The following CTTNBP2NL variants were observed in gnomAD, a reference collection of about 807,000 sequenced individuals.
The protein encoded by CTTNBP2NL is CTTNBP2 N-terminal-like protein.
In CTTNBP2NL, 16 loss-of-function variants were observed where a neutral mutation model predicts 32.5. The observed-to-expected ratio is 0.49, with a 90% CI of 0.33 to 0.75. The LOEUF (loss-of-function observed/expected upper bound fraction) is 0.75, where lower values mean the gene tolerates loss of function less well. CTTNBP2NL is among the 30% of genes least tolerant of loss of function. The probability of loss-of-function intolerance (pLI) is 0.02; values close to 1 mark genes in which losing one functional copy is unlikely to be tolerated. For missense variants in CTTNBP2NL, 645 were observed against 756.0 expected (o/e 0.85, Z 1.72); for synonymous variants, 298 against 289.4 (o/e 1.03, Z -0.30).
chr1:112,433,443 A>G (rs924408537), intron 3 of CTTNBP2NL, among the ~76,000 whole-genome samples: 2 of 152,200 alleles, frequency 1.3e-5, no homozygotes, highest in African/African-American at 2.4e-5. Context: ...AAATACAACA[A>G]TTAACCAGGC....
At chr1:112,426,641 C>G (rs867738749) in intron 3 of CTTNBP2NL, among the ~76,000 whole-genome samples, 2 of 148,322 alleles carry the variant, frequency 1.3e-5, no homozygotes, top group Non-Finnish European at 3.0e-5. Flanking sequence ...GGAGTCTTGC[C>G]CTTTACTGAG....
Position 112,456,235 on chromosome 1 carries a change from A to C in CTTNBP2NL, c.743A>C (p.Gln248Pro). Residue 248 changes from glutamine to proline, a missense_variant, in exon 6 of 6, where the codon CAA becomes CCA. Transcript: ENST00000271277. The part of the protein sequence containing the change: ...QLSEFDIERE[Q>P]LRAKLNREEN... ...TCAGAGTTTGACATCGAAAGGGAAC[A>C]ACTGAGAGCAAAACTGAACCGAGAA... The C allele has an allele frequency of 6.2e-7, 1 of 1,614,178 alleles. No homozygotes were observed. Among genetic ancestry groups the C allele is most frequent in the Non-Finnish European group, 8.5e-7 (1 of 1,180,046 alleles).
intron 1 of CTTNBP2NL, among the ~76,000 whole-genome samples, chr1:112,408,220 ATT>A (rs397981257): frequency 2.3e-4 from 24 of 103,730 alleles, no homozygotes; most frequent in African/African-American, 6.0e-4. Flanking sequence ...TTTTTTTTTA[ATT>A]TTTTTTTTTT....
intron 1 of CTTNBP2NL, among the ~76,000 whole-genome samples, chr1:112,406,417 A>G (rs1317868084): frequency 8.5e-5 from 13 of 152,176 alleles, no homozygotes; most frequent in Admixed American, 2.0e-4. Flanking sequence ...TCTGGAGTCA[A>G]TTTACCTGGG....
Position 112,416,195 on chromosome 1 carries a change from ACTC to A in CTTNBP2NL, c.33_35del (p.Leu12del). On this transcript the variant is annotated inframe_deletion, in exon 3 of 6. Coordinates refer to ENST00000271277, the MANE Select transcript of CTTNBP2NL (RefSeq NM_018704.3). ...ATCTGGAAAAACTCAGCAAGCCTGA[ACTC>A]CTGACACTATTTAGTATTCTTGAAG... 1 of 1,608,280 alleles carries A rather than the reference ACTC, an allele frequency of 6.2e-7. No homozygotes were observed. Among genetic ancestry groups the A allele is most frequent in the Non-Finnish European group, 8.5e-7 (1 of 1,177,616 alleles).
intron 1 of CTTNBP2NL, among the ~76,000 whole-genome samples, chr1:112,397,755 A>G (rs1648373514): frequency 6.6e-6 from 1 of 152,160 alleles, no homozygotes; most frequent in Non-Finnish European, 1.5e-5. Context: ...TTTGCTTCCA[A>G]TCTCAAGTCT....
intron 3 of CTTNBP2NL, among the ~76,000 whole-genome samples, chr1:112,422,832 G>T (rs778704911): frequency 1.3e-5 from 2 of 151,878 alleles, no homozygotes; most frequent in Admixed American, 6.6e-5. Context: ...TCACTTTGTT[G>T]CCCAAGCTGG....
chr1:112,448,188 AAG>A (rs1650111782), intron 3 of CTTNBP2NL, among the ~76,000 whole-genome samples: 1 of 152,222 alleles, frequency 6.6e-6, no homozygotes, highest in African/African-American at 2.4e-5. Flanking sequence ...AGAGACAGAA[AAG>A]AGAATGGAAA....
chr1:112,432,527 T>C (rs1649598640), intron 3 of CTTNBP2NL, among the ~76,000 whole-genome samples: 1 of 152,124 alleles, frequency 6.6e-6, no homozygotes, highest in African/African-American at 2.4e-5. Context: ...TGATTGGAAA[T>C]GTCTAGAGAT....
At position 112,457,287 on chromosome 1, in the gene CTTNBP2NL, T is replaced by C. The variant is rs1426791259; in HGVS notation, c.1795T>C (p.Leu599=). The C allele has an allele frequency of 2.5e-6, 4 of 1,614,168 alleles. No homozygotes were observed. The highest frequency in any genetic ancestry group is 3.4e-6 in the Non-Finnish European group (4 of 1,180,036). Residue 599 remains leucine (L), a synonymous_variant, in exon 6 of 6, where the codon TTG becomes CTG. Coordinates refer to ENST00000271277, the MANE Select transcript of CTTNBP2NL (RefSeq NM_018704.3). ...LTPSPSATTP[L]TKTHSQAASL... ...CCCTTCTCCATCTGCTACCACTCCATTGACCAAAACTCATTCCCAGGCAGC... is the reference window on the plus strand; with the variant it reads ...CCCTTCTCCATCTGCTACCACTCCACTGACCAAAACTCATTCCCAGGCAGC...
In CTTNBP2NL at chr1:112,456,809, G is replaced by C. The variant is rs1427028865; in HGVS notation, c.1317G>C (p.Gly439=). 2.5e-6 allele frequency: 4 copies of C among 1,613,912 alleles called. No individual in the cohort carries two copies. The highest frequency in any genetic ancestry group is 3.4e-6 in the Non-Finnish European group (4 of 1,180,026). ...CGGTACTCACTAAGCGTTTATTGGGGTCATCAGCTAGCAGCCCTGGCTACC... is the reference window on the plus strand; with the variant it reads ...CGGTACTCACTAAGCGTTTATTGGGCTCATCAGCTAGCAGCCCTGGCTACC... ...SSPVLTKRLL[G]SSASSPGYQS... The change falls in exon 6 of 6, where the codon GGG becomes GGC. Residue 439 remains glycine (G), a synonymous_variant. Transcript: ENST00000271277.
At chr1:112,426,607 T>G (rs1480345973) in intron 3 of CTTNBP2NL, among the ~76,000 whole-genome samples, 1 of 141,942 alleles carries the variant, frequency 7.0e-6, no homozygotes, top group African/African-American at 2.6e-5. Flanking sequence ...CGGCAAAACT[T>G]TTTTTTTTTT....
At chr1:112,427,701 C>G (rs1305671777) in intron 3 of CTTNBP2NL, among the ~76,000 whole-genome samples, 2 of 152,090 alleles carry the variant, frequency 1.3e-5, no homozygotes, top group Non-Finnish European at 2.9e-5. Context: ...CGAGACCATC[C>G]TGGCTGACAC....
intron 3 of CTTNBP2NL, among the ~76,000 whole-genome samples, chr1:112,426,798 G>T (rs1456850329): frequency 6.6e-6 from 1 of 151,802 alleles, no homozygotes; most frequent in Non-Finnish European, 1.5e-5. Context: ...TATAGACAAG[G>T]TTTCACCATA....
rs1239446662 is a variant in CTTNBP2NL, at chr1:112,440,370, C to T, written c.100-8572C>T. The stretch of plus-strand genomic sequence containing the variant: ...TACTTATCATTTCTGTTAGAATTTG[C>T]ATGTTTATCATAGCTTAAATTGTTT... On this transcript the variant is annotated intron_variant, in intron 3 of 5. Coordinates refer to ENST00000271277, the MANE Select transcript of CTTNBP2NL (RefSeq NM_018704.3). Among the ~76,000 whole-genome samples the T allele has an allele frequency of 2.0e-5, 3 of 152,132 alleles. No individual in the cohort carries two copies. In the East Asian group the frequency reaches 5.8e-4, roughly 29 times the overall value.
intron 3 of CTTNBP2NL, among the ~76,000 whole-genome samples, chr1:112,441,122 A>G (rs532431724): frequency 2.6e-5 from 4 of 152,200 alleles, no homozygotes; most frequent in Non-Finnish European, 5.9e-5. Flanking sequence ...TTACAGATGC[A>G]CACATCCACA....
rs751719840 is a variant in CTTNBP2NL, at chr1:112,449,129, G to A, written c.287G>A (p.Arg96His). ...VMKQCKNMQERMLSQLAAAES... is the reference protein window; with the variant it reads ...VMKQCKNMQEHMLSQLAAAES... Reference sequence around the variant, plus strand: ...AAGCAGTGCAAGAACATGCAGGAGCGCATGCTGTCCCAGCTGGCTGCTGCT... The same window carrying A: ...AAGCAGTGCAAGAACATGCAGGAGCACATGCTGTCCCAGCTGGCTGCTGCT... The change falls in exon 4 of 6, where the codon CGC becomes CAC. Residue 96 changes from arginine to histidine, a missense_variant. Physicochemically the swap from Arg to His is conservative, Grantham distance 29. Coordinates refer to ENST00000271277, the MANE Select transcript of CTTNBP2NL (RefSeq NM_018704.3). 13 of 1,613,326 alleles carry A rather than the reference G, an allele frequency of 8.1e-6. No homozygotes were observed. The highest frequency in any genetic ancestry group is 1.6e-4 in the Middle Eastern group (1 of 6,066).
At chr1:112,422,002 G>A (rs1396017801) in intron 3 of CTTNBP2NL, among the ~76,000 whole-genome samples, 1 of 152,032 alleles carries the variant, frequency 6.6e-6, no homozygotes, top group East Asian at 1.9e-4. Context: ...ATGATAAACT[G>A]TATTATTTGA....
intron 3 of CTTNBP2NL, among the ~76,000 whole-genome samples, chr1:112,427,895 C>CAAAAA (rs34043965): frequency 3.8e-5 from 5 of 132,908 alleles, no homozygotes; most frequent in African/African-American, 1.1e-4. Flanking sequence ...GACTCTGTCT[C>CAAAAA]AAAAAAAAAA....
Sources: gnomAD v4.1 joint callset for allele counts (sites outside exome capture counted in the v4.1 genomes callset) on GRCh38, gnomAD v4.1.1 for gene constraint, MANE v1.5 for transcripts, NCBI Gene and HGNC (gene_info 2026-07-23, HGNC 2026-07-21) for gene names.